Variants in SERINC5 observed in about 807,000 individuals in gnomAD.
The protein encoded by SERINC5 is chromosome 5 open reading frame 12.
SERINC5 carries 41 observed loss-of-function variants against 63.1 expected under a neutral mutation model. The ratio of observed to expected loss-of-function variants is 0.65; its 90% CI spans 0.51 to 0.84. The LOEUF (loss-of-function observed/expected upper bound fraction) is 0.84. Among genes scored for constraint, SERINC5 ranks in the 40% least tolerant of loss-of-function variants. The pLI, the probability that SERINC5 is intolerant of heterozygous loss-of-function variation, is 0.00. For missense variants in SERINC5, 523 were observed against 573.0 expected (o/e 0.91, Z 0.89); for synonymous variants, 222 against 215.2 (o/e 1.03, Z -0.28).
In SERINC5 at chr5:80,113,592, G is replaced by T. The variant is rs149362791; in HGVS notation, c.*9C>A. 1,100 of 274,508 alleles carry T rather than the reference G, an allele frequency of 4.0e-3. 6 individuals carry two copies. Among genetic ancestry groups the T allele is most frequent in the African/African-American group, 0.023 (1,015 of 44,450 alleles). 17.0% of individuals were successfully genotyped at this position (274,508 alleles called of 1,614,324 possible). On this transcript the variant is annotated 3_prime_UTR_variant, in exon 12 of 13. Coordinates refer to the SERINC5 transcript ENST00000509193. ...CTTACAGTTCCACATGGCTGGGGAG[G>T]CCTCAGAATCATGGCAGGAGGTGAA...
At chr5:80,122,097 C>T (rs1268332841) in intron 11 of SERINC5, among the ~76,000 whole-genome samples, 1 of 151,732 alleles carries the variant, frequency 6.6e-6, no homozygotes, top group Non-Finnish European at 1.5e-5. Flanking sequence ...ATTCTATTCA[C>T]AATTCTCATA....
At chr5:80,147,609 C>T (rs1023965313) in intron 9 of SERINC5, among the ~76,000 whole-genome samples, 2 of 152,174 alleles carry the variant, frequency 1.3e-5, no homozygotes, top group African/African-American at 2.4e-5. Context: ...CTTTATGGCT[C>T]CTAGGGTTAG....
At chr5:80,193,173 C>T (rs1749303277) in intron 2 of SERINC5, among the ~76,000 whole-genome samples, 1 of 152,192 alleles carries the variant, frequency 6.6e-6, no homozygotes, top group Non-Finnish European at 1.5e-5. Flanking sequence ...ACAGTTTAAT[C>T]AAGTCACAGA....
intron 1 of SERINC5, among the ~76,000 whole-genome samples, chr5:80,238,518 C>T (rs1367540435): frequency 2.0e-5 from 3 of 152,080 alleles, no homozygotes; most frequent in Non-Finnish European, 4.4e-5. Flanking sequence ...GGCATGGTGG[C>T]GCATGCCTGT....
At chr5:80,148,239 G>A (rs1308324096) in intron 9 of SERINC5, among the ~76,000 whole-genome samples, 1 of 128,170 alleles carries the variant, frequency 7.8e-6, no homozygotes, top group Non-Finnish European at 1.6e-5. Context: ...TGCCCAGGCT[G>A]GAGTGCAATG....
chr5:80,210,625 C>T (rs1227658714), intron 1 of SERINC5, among the ~76,000 whole-genome samples: 1 of 152,110 alleles, frequency 6.6e-6, no homozygotes, highest in Non-Finnish European at 1.5e-5. Context: ...TCGGCATGCA[C>T]ACACACACAA....
intron 2 of SERINC5, among the ~76,000 whole-genome samples, chr5:80,200,435 G>A (rs4703804): frequency 2.7e-5 from 4 of 150,732 alleles, no homozygotes; most frequent in African/African-American, 7.3e-5. Flanking sequence ...GCAGTGAGCC[G>A]AGATCGCACC....
chr5:80,124,588 T>C (rs1204620195), intron 11 of SERINC5, among the ~76,000 whole-genome samples: 2 of 152,314 alleles, frequency 1.3e-5, no homozygotes, highest in Admixed American at 6.5e-5. Flanking sequence ...TCAGGAAAGC[T>C]GCACAGCCAT....
intron 1 of SERINC5, among the ~76,000 whole-genome samples, chr5:80,246,218 C>G (rs1021546156): frequency 1.3e-5 from 2 of 152,016 alleles, no homozygotes; most frequent in Non-Finnish European, 1.5e-5. Context: ...CCACACTCAC[C>G]AAGGATCAAA....
intron 1 of SERINC5, among the ~76,000 whole-genome samples, chr5:80,205,910 A>AAAAACAAAACAAAACAAAAC (rs201969229): frequency 8.0e-5 from 12 of 149,298 alleles, no homozygotes; most frequent in African/African-American, 3.0e-4. Flanking sequence ...CGTCTCTACT[A>AAAAACAAAACAAAACAAAAC]AATACAAAAC....
chr5:80,192,214 G>A (rs1235878476), intron 2 of SERINC5, among the ~76,000 whole-genome samples: 3 of 152,166 alleles, frequency 2.0e-5, no homozygotes, highest in Non-Finnish European at 4.4e-5. Flanking sequence ...GTGGCTAACT[G>A]TTAACTGCCT....
chr5:80,236,175 CAACATCT>C (rs1751678130), intron 1 of SERINC5, among the ~76,000 whole-genome samples: 1 of 152,144 alleles, frequency 6.6e-6, no homozygotes, highest in Non-Finnish European at 1.5e-5. Context: ...CCCAAAACTA[CAACATCT>C]AACATTTATG....
At chr5:80,245,739 T>A (rs764273917) in intron 1 of SERINC5, among the ~76,000 whole-genome samples, 1 of 151,930 alleles carries the variant, frequency 6.6e-6, no homozygotes, top group African/African-American at 2.4e-5. Flanking sequence ...CTCAGCCTCC[T>A]GAGTATCTGG....
chr5:80,119,873 G>T (rs1292632308), intron 11 of SERINC5, among the ~76,000 whole-genome samples: 1 of 152,172 alleles, frequency 6.6e-6, no homozygotes. Flanking sequence ...GGTAATTCTG[G>T]TTCAACCATA....
intron 5 of SERINC5, 22 bp downstream of exon 5, chr5:80,174,932 A>T: frequency 6.5e-7 from 1 of 1,542,304 alleles, no homozygotes; most frequent in Non-Finnish European, 8.8e-7. Context: ...GTCAATGGGA[A>T]GCTTTCCATA....
In SERINC5 at chr5:80,158,945, T is replaced by C. The variant is rs758920817; in HGVS notation, c.877A>G (p.Lys293Glu). Reference protein sequence around the residue: ...PAEVVLDEHGKNVTICVPDFG... With the variant: ...PAEVVLDEHGENVTICVPDFG... Reference sequence around the variant, plus strand: ...TCAGGCACACAGATTGTAACATTTTTCCCATGTTCATCTAGAACTTGAAAA... The same window carrying C: ...TCAGGCACACAGATTGTAACATTTTCCCCATGTTCATCTAGAACTTGAAAA... The change falls in exon 8 of 12, where the codon AAA becomes GAA. Residue 293 changes from lysine (K) to glutamate (E), a missense_variant. Lys to Glu is a moderately conservative substitution (Grantham distance 56). Coordinates refer to ENST00000507668, the MANE Select transcript of SERINC5 (RefSeq NM_001174072.3). The C allele has an allele frequency of 6.2e-7, 1 of 1,613,766 alleles. No homozygotes were observed. Among genetic ancestry groups the C allele is most frequent in the Non-Finnish European group, 8.5e-7 (1 of 1,179,822 alleles).
chr5:80,255,992 G>A lies in SERINC5; in HGVS notation c.-70C>T, dbSNP rs1219556727. On this transcript the variant is annotated 5_prime_UTR_variant, in exon 1 of 12. Coordinates refer to ENST00000507668, the MANE Select transcript of SERINC5 (RefSeq NM_001174072.3). ...GCACGGGCCCTCCTGGCTGCCTCGC[G>A]CCTCGAGCGCTGGGCTCAGCCGCAG... 2.1e-6 allele frequency: 3 copies of A among 1,409,836 alleles called. No homozygotes were observed. Among genetic ancestry groups the A allele is most frequent in the Admixed American group, 2.7e-5 (1 of 36,408 alleles). The allele number at this position is 1,409,836 out of a possible 1,614,324, so 87.3% of individuals were successfully genotyped here. A position where few individuals can be genotyped will look rare whatever the true frequency, so the allele number is the denominator to read the frequency against.
chr5:80,137,098 C>G (rs1473424200), downstream of SERINC5, among the ~76,000 whole-genome samples: 1 of 144,818 alleles, frequency 6.9e-6, no homozygotes. Context: ...TGACATCGTG[C>G]CACTGCACTC....
chr5:80,185,392 G>A (rs1748730087), intron 2 of SERINC5, among the ~76,000 whole-genome samples: 2 of 152,264 alleles, frequency 1.3e-5, no homozygotes, highest in South Asian at 4.1e-4. Flanking sequence ...CCATTTCATG[G>A]AGTTGCCTGA....
Sources: gnomAD v4.1 joint callset for allele counts (sites outside exome capture counted in the v4.1 genomes callset) on GRCh38, gnomAD v4.1.1 for gene constraint, MANE v1.5 for transcripts, NCBI Gene and HGNC (gene_info 2026-07-23, HGNC 2026-07-21) for gene names.